The following MMP16 variants were observed in gnomAD, a reference collection of about 807,000 sequenced individuals.
MMP16 encodes matrix metallopeptidase 16.
MMP16 carries 12 observed loss-of-function variants against 67.8 expected under a neutral mutation model. The observed-to-expected ratio is 0.18, with a 90% CI of 0.11 to 0.29. The LOEUF is 0.29. Ranked by LOEUF, MMP16 falls within the 10% of genes least tolerant of loss-of-function variation. The pLI is 1.00. For missense variants in MMP16, 475 were observed against 765.7 expected, an observed-to-expected ratio of 0.62 and a Z score of 4.48; for synonymous variants, 249 against 255.9, an observed-to-expected ratio of 0.97 and a Z score of 0.26.
chr8:88,144,989 A>C (rs151270426), intron 4 of MMP16, among the ~76,000 whole-genome samples: 1 of 152,160 alleles, frequency 6.6e-6, no homozygotes, highest in Non-Finnish European at 1.5e-5. Context: ...ATGCTTATAT[A>C]TGTTTTATTT....
chr8:88,221,666 T>C (rs1809685188), intron 1 of MMP16, among the ~76,000 whole-genome samples: 1 of 151,934 alleles, frequency 6.6e-6, no homozygotes, highest in Non-Finnish European at 1.5e-5. Flanking sequence ...GTAGACAGGA[T>C]GAATTAACAC....
intron 4 of MMP16, 90 bp downstream of exon 4, chr8:88,167,579 C>A: frequency 1.6e-6 from 2 of 1,271,622 alleles, no homozygotes; most frequent in Middle Eastern, 2.2e-4. Context: ...AATTTAGGAT[C>A]TATACCTTAA....
At position 88,118,736 on chromosome 8, in the gene MMP16, G is replaced by A; in HGVS notation, c.835C>T (p.Pro279Ser). 6.2e-7 allele frequency: 1 copy of A among 1,613,368 alleles called. No individual in the cohort carries two copies. The highest frequency in any genetic ancestry group is 8.5e-7 in the Non-Finnish European group (1 of 1,179,554). The change falls in exon 5 of 10, where the codon CCT becomes TCT. Residue 279 changes from proline to serine, a missense_variant. Transcript: ENST00000286614. ...QYMETDNFKLPNDDLQGIQKI... is the reference protein window; with the variant it reads ...QYMETDNFKLSNDDLQGIQKI... ...TGGATGCCCTGTAAATCATCATTAGGTAGTTTGAAGTTGTCTGTTTCCATG... is the reference window on the plus strand; with the variant it reads ...TGGATGCCCTGTAAATCATCATTAGATAGTTTGAAGTTGTCTGTTTCCATG...
intron 1 of MMP16, among the ~76,000 whole-genome samples, chr8:88,273,202 A>G (rs1270223849): frequency 6.7e-6 from 1 of 150,280 alleles, no homozygotes; most frequent in Non-Finnish European, 1.5e-5. Flanking sequence ...CTCTTGCCTC[A>G]GCCTCCTGAG....
intron 1 of MMP16, among the ~76,000 whole-genome samples, chr8:88,250,521 G>A (rs1370751306): frequency 6.6e-6 from 1 of 151,912 alleles, no homozygotes; most frequent in Non-Finnish European, 1.5e-5. Context: ...TATTCTTTGA[G>A]AAAGCATAAA....
chr8:88,178,672 TTC>T (rs1258416678), intron 3 of MMP16, among the ~76,000 whole-genome samples: 1 of 152,184 alleles, frequency 6.6e-6, no homozygotes, highest in Non-Finnish European at 1.5e-5. Context: ...TGGGAAAAAT[TTC>T]TCTTTTTTTA....
intron 8 of MMP16, among the ~76,000 whole-genome samples, chr8:88,049,251 C>T (rs17646841): frequency 0.018 from 2,769 of 152,316 alleles, 51 homozygotes; most frequent in Non-Finnish European, 0.027. Context: ...ATTAGTGTAT[C>T]ATGCCACCAA....
intron 1 of MMP16, among the ~76,000 whole-genome samples, chr8:88,292,195 T>C (rs1810936300): frequency 6.6e-6 from 1 of 152,244 alleles, no homozygotes; most frequent in Non-Finnish European, 1.5e-5. Context: ...CAAAATTATA[T>C]TTTAAAATTA....
At chr8:88,168,787 T>C (rs1808755854) in intron 3 of MMP16, among the ~76,000 whole-genome samples, 2 of 152,186 alleles carry the variant, frequency 1.3e-5, no homozygotes, top group South Asian at 4.1e-4. Flanking sequence ...AAAAAATGGG[T>C]AAATTTCATA....
chr8:88,109,835 A>G (rs1389927785), intron 6 of MMP16, among the ~76,000 whole-genome samples: 1 of 151,280 alleles, frequency 6.6e-6, no homozygotes, highest in African/African-American at 2.4e-5. Context: ...TTTAACATGG[A>G]AAAGACTTGG....
Position 88,178,339 on chromosome 8 carries a change from A to T in MMP16, c.404+8137T>A, listed in dbSNP as rs28907584. On this transcript the variant is annotated intron_variant, in intron 3 of 9. Coordinates refer to ENST00000286614, the MANE Select transcript of MMP16 (RefSeq NM_005941.5). ...GAAAAAAGTAGACAACATAAAGAAA[A>T]CACATGGATAATATAACCAGAAAGA... Among the ~76,000 whole-genome samples, 923 of 152,292 alleles carry T rather than the reference A, an allele frequency of 6.1e-3. 3 individuals carry two copies. The highest frequency in any genetic ancestry group is 0.011 in the Non-Finnish European group (723 of 67,996).
chr8:88,224,510 C>G (rs1193716694), intron 1 of MMP16, among the ~76,000 whole-genome samples: 2 of 151,876 alleles, frequency 1.3e-5, no homozygotes. Flanking sequence ...ACACAAAATG[C>G]TTAGAAATGA....
At chr8:88,303,652 T>G (rs569002811) in intron 1 of MMP16, among the ~76,000 whole-genome samples, 1 of 152,322 alleles carries the variant, frequency 6.6e-6, no homozygotes, top group African/African-American at 2.4e-5. Context: ...CACTGGTGAT[T>G]ACCTCCAGGT....
chr8:88,061,127 TACACACACACACACACACACACACACAC>T (rs149547108), intron 7 of MMP16, among the ~76,000 whole-genome samples: 101 of 143,068 alleles, frequency 7.1e-4, no homozygotes, highest in Middle Eastern at 3.4e-3. Flanking sequence ...CTGAATATTA[TACACACACACACACACACACACACACAC>T]ACACACACAC....
chr8:88,321,922 T>C (rs896230594), intron 1 of MMP16, among the ~76,000 whole-genome samples: 3 of 152,168 alleles, frequency 2.0e-5, no homozygotes, highest in Non-Finnish European at 4.4e-5. Context: ...TTACACCACA[T>C]TGCTAGCTAT....
At chr8:88,124,147 A>G (rs1219841418) in intron 4 of MMP16, among the ~76,000 whole-genome samples, 2 of 152,000 alleles carry the variant, frequency 1.3e-5, no homozygotes, top group East Asian at 3.9e-4. Flanking sequence ...ATGACAAACC[A>G]ATTTATTTTT....
At chr8:88,244,964 C>T (rs1810090375) in intron 1 of MMP16, among the ~76,000 whole-genome samples, 1 of 152,138 alleles carries the variant, frequency 6.6e-6, no homozygotes, top group South Asian at 2.1e-4. Context: ...CTCTCAGCAA[C>T]TTCCTTCTGC....
At chr8:88,237,867 G>T (rs952102037) in intron 1 of MMP16, among the ~76,000 whole-genome samples, 4 of 152,134 alleles carry the variant, frequency 2.6e-5, no homozygotes, top group African/African-American at 7.2e-5. Context: ...TCTTGGAAAT[G>T]ATTTGTGTGC....
At chr8:88,051,463 A>G (rs1255170852) in intron 8 of MMP16, among the ~76,000 whole-genome samples, 2 of 152,164 alleles carry the variant, frequency 1.3e-5, no homozygotes, top group Non-Finnish European at 2.9e-5. Flanking sequence ...TTCATCAGTT[A>G]TCTCTACTGT....
Sources: allele counts gnomAD v4.1 joint callset (sites outside exome capture counted in the v4.1 genomes callset), GRCh38; gene constraint gnomAD v4.1.1; transcripts MANE v1.5; gene names NCBI Gene and HGNC (gene_info 2026-07-23, HGNC 2026-07-21).